The following GNAQ variants were observed in gnomAD, a reference collection of about 807,000 sequenced individuals.
The protein encoded by GNAQ is G protein subunit alpha q, also known as guanine nucleotide-binding protein G(q) subunit alpha.
In GNAQ, 8 loss-of-function variants were observed where a neutral mutation model predicts 43.9. The ratio of observed to expected loss-of-function variants is 0.18; its 90% CI spans 0.11 to 0.33. GNAQ has a LOEUF of 0.33. Among genes scored for constraint, GNAQ ranks in the 10% least tolerant of loss-of-function variants. GNAQ has a pLI of 1.00. For missense variants in GNAQ, 158 were observed against 450.8 expected (o/e 0.35, Z 5.88); for synonymous variants, 155 against 170.7 (o/e 0.91, Z 0.71).
intron 5 of GNAQ, among the ~76,000 whole-genome samples, chr9:77,756,150 T>A (rs1317012885): frequency 2.6e-5 from 4 of 152,254 alleles, no homozygotes; most frequent in Non-Finnish European, 4.4e-5. Flanking sequence ...GAACTCGGAC[T>A]GGCTTCCTTG....
chr9:78,019,091 A>C (rs1430516643), intron 1 of GNAQ, among the ~76,000 whole-genome samples: 1 of 152,204 alleles, frequency 6.6e-6, no homozygotes, highest in African/African-American at 2.4e-5. Flanking sequence ...GATTTCCCTA[A>C]AGAAATATTG....
chr9:77,950,109 T>C (rs1822957000), intron 1 of GNAQ, among the ~76,000 whole-genome samples: 1 of 152,220 alleles, frequency 6.6e-6, no homozygotes, highest in East Asian at 1.9e-4. Flanking sequence ...AACTACATAC[T>C]ATAATGTTCT....
chr9:77,821,223 T>C lies in GNAQ; in HGVS notation c.322-5453A>G, dbSNP rs924489174. ...TATGGTCACCAAGATAATCAATGACTATAGTTATACTGTCTTTCCCAAAAA... is the reference window on the plus strand; with the variant it reads ...TATGGTCACCAAGATAATCAATGACCATAGTTATACTGTCTTTCCCAAAAA... On this transcript the variant is annotated intron_variant, in intron 2 of 6. Coordinates refer to ENST00000286548, the MANE Select transcript of GNAQ (RefSeq NM_002072.5). Among the ~76,000 whole-genome samples, 12 of 152,304 alleles carry C rather than the reference T, an allele frequency of 7.9e-5. No homozygotes were observed. In the East Asian group the frequency reaches 2.3e-3, roughly 29 times the overall value.
intron 1 of GNAQ, among the ~76,000 whole-genome samples, chr9:77,936,507 G>T (rs1471633537): frequency 6.6e-6 from 1 of 152,016 alleles, no homozygotes; most frequent in Non-Finnish European, 1.5e-5. Context: ...TCATAGAAAA[G>T]ATAAAAAAGT....
intron 1 of GNAQ, among the ~76,000 whole-genome samples, chr9:77,965,841 A>G (rs1823159681): frequency 6.7e-6 from 1 of 149,750 alleles, no homozygotes; most frequent in African/African-American, 2.4e-5. Flanking sequence ...CTCCGAGCAA[A>G]AAAAAAAAAA....
intron 2 of GNAQ, among the ~76,000 whole-genome samples, chr9:77,862,911 G>A (rs886300664): frequency 2.6e-5 from 4 of 152,180 alleles, no homozygotes; most frequent in Non-Finnish European, 5.9e-5. Context: ...AGACACGGTG[G>A]CTCATGCCTG....
chr9:77,750,768 T>C (rs1261653754), intron 5 of GNAQ, among the ~76,000 whole-genome samples: 1 of 152,186 alleles, frequency 6.6e-6, no homozygotes, highest in Non-Finnish European at 1.5e-5. Flanking sequence ...GTAAATATTA[T>C]ACCAACCCTG....
chr9:77,846,136 T>C (rs528770902), intron 2 of GNAQ, among the ~76,000 whole-genome samples: 2 of 152,350 alleles, frequency 1.3e-5, no homozygotes, highest in East Asian at 3.9e-4. Context: ...GGTCTGTTGA[T>C]TTGCGTAATA....
chr9:77,895,266 CAT>C (rs1828481353), intron 2 of GNAQ, among the ~76,000 whole-genome samples: 1 of 151,762 alleles, frequency 6.6e-6, no homozygotes, highest in Non-Finnish European at 1.5e-5. Flanking sequence ...CATTGCTTCA[CAT>C]GTGTTAGTTC....
At chr9:78,010,421 G>A (rs1470510347) in intron 1 of GNAQ, among the ~76,000 whole-genome samples, 1 of 152,112 alleles carries the variant, frequency 6.6e-6, no homozygotes, top group Non-Finnish European at 1.5e-5. Context: ...ATTAATTGGG[G>A]GATAATGTTC....
intron 2 of GNAQ, among the ~76,000 whole-genome samples, chr9:77,870,971 T>C (rs956199897): frequency 6.6e-6 from 1 of 152,194 alleles, no homozygotes; most frequent in African/African-American, 2.4e-5. Flanking sequence ...GGAGACTAAC[T>C]GTAATGAACA....
intron 1 of GNAQ, among the ~76,000 whole-genome samples, chr9:78,027,748 T>C (rs1190511071): frequency 3.4e-5 from 3 of 88,520 alleles, no homozygotes; most frequent in African/African-American, 6.0e-5. Context: ...CAAAACTCCA[T>C]CTCAAAAAAA....
chr9:77,778,557 G>T (rs4744850), intron 5 of GNAQ, among the ~76,000 whole-genome samples: 2 of 151,602 alleles, frequency 1.3e-5, no homozygotes, highest in Admixed American at 6.6e-5. Context: ...AAACAATAAT[G>T]ATCATGGTAG....
At chr9:77,877,091 T>A (rs758697604) in intron 2 of GNAQ, among the ~76,000 whole-genome samples, 1 of 152,198 alleles carries the variant, frequency 6.6e-6, no homozygotes, top group Non-Finnish European at 1.5e-5. Context: ...CCATTTTCAA[T>A]AGGGATGTTC....
intron 1 of GNAQ, among the ~76,000 whole-genome samples, chr9:77,958,834 T>C (rs1452289344): frequency 6.6e-6 from 1 of 152,070 alleles, no homozygotes; most frequent in Non-Finnish European, 1.5e-5. Context: ...ACAAAATACA[T>C]TTGCAGACTG....
chr9:77,904,028 T>A (rs1828661142), intron 2 of GNAQ, among the ~76,000 whole-genome samples: 1 of 152,158 alleles, frequency 6.6e-6, no homozygotes, highest in African/African-American at 2.4e-5. Flanking sequence ...CTTTTGGAAT[T>A]TCCATATCAA....
At chr9:77,904,493 T>C (rs1828671430) in intron 2 of GNAQ, among the ~76,000 whole-genome samples, 1 of 151,838 alleles carries the variant, frequency 6.6e-6, no homozygotes, top group African/African-American at 2.4e-5. Flanking sequence ...CCACCACGCC[T>C]GGCTACTTTT....
chr9:77,882,602 G>C (rs1048790608), intron 2 of GNAQ, among the ~76,000 whole-genome samples: 1 of 152,220 alleles, frequency 6.6e-6, no homozygotes, highest in African/African-American at 2.4e-5. Flanking sequence ...CACAGGGCTA[G>C]AGAAGATGGC....
rs150616255 is a variant in GNAQ, at chr9:77,945,346, AAAAG to A, written c.137-23005_137-23002del. 4.5e-3 allele frequency among the ~76,000 whole-genome samples: 691 copies of A among 152,330 alleles called. 6 individuals are homozygous for A. The highest frequency in any genetic ancestry group is 0.016 in the African/African-American group (670 of 41,570). On this transcript the variant is annotated intron_variant, in intron 1 of 6. Transcript: ENST00000286548. Reference sequence around the variant, plus strand: ...AGTAAGAAAATAAGTAGTTTAAAAAAAAAGAGAGAGAGAGATTTCTTAAATTCCA... The same window carrying A: ...AGTAAGAAAATAAGTAGTTTAAAAAAAGAGAGAGAGATTTCTTAAATTCCA...
Sources: gnomAD v4.1 joint callset for allele counts (sites outside exome capture counted in the v4.1 genomes callset) on GRCh38, gnomAD v4.1.1 for gene constraint, MANE v1.5 for transcripts, NCBI Gene and HGNC (gene_info 2026-07-23, HGNC 2026-07-21) for gene names.